PPRC1: variants seen among roughly 807,000 people sequenced by gnomAD.
PPRC1 encodes the protein peroxisome proliferator-activated receptor gamma coactivator-related protein 1.
Under a neutral mutation model 132.5 loss-of-function variants are expected in PPRC1, and 23 were observed. The ratio of observed to expected loss-of-function variants is 0.17; its 90% CI spans 0.12 to 0.25. The LOEUF (loss-of-function observed/expected upper bound fraction) is 0.25, where lower values mean the gene tolerates loss of function less well. PPRC1 is among the 10% of genes least tolerant of loss of function. PPRC1 has a pLI of 1.00. For missense variants in PPRC1, 2,006 were observed against 2,089.1 expected, an observed-to-expected ratio of 0.96 and a Z score of 0.78; for synonymous variants, 872 against 833.5, an observed-to-expected ratio of 1.05 and a Z score of -0.80.
intron 8 of PPRC1, among the ~76,000 whole-genome samples, chr10:102,145,447 T>C (rs532284625): frequency 2.6e-5 from 4 of 151,894 alleles, no homozygotes; most frequent in Non-Finnish European, 4.4e-5. Flanking sequence ...GGTACACGCC[T>C]GTAGTCCCAG....
chr10:102,139,086 CTT>C lies in PPRC1; in HGVS notation c.592-13_592-12del. 6.2e-7 allele frequency: 1 copy of C among 1,607,744 alleles called. No individual in the cohort carries two copies. The highest frequency in any genetic ancestry group is 1.3e-5 in the African/African-American group (1 of 74,766). ...AAAGAAAACTCCTCCTGAGACCTCT[CTT>C]CTCTCCTGCAGGTTGAAATGTCTCT... is the stretch of plus-strand genomic sequence containing the variant. On this transcript the variant is annotated splice_polypyrimidine_tract_variant and intron_variant, in intron 4 of 13. Coordinates refer to ENST00000278070, the MANE Select transcript of PPRC1 (RefSeq NM_015062.5).
chr10:102,138,541 T>A, intron 2 of PPRC1, 78 bp from the exon 3 acceptor site: 1 of 1,521,580 alleles, frequency 6.6e-7, no homozygotes, highest in Non-Finnish European at 8.9e-7. Flanking sequence ...AGACTGATTC[T>A]CTCGATATCC....
At position 102,139,827 on chromosome 10, in the gene PPRC1, A is replaced by G. The variant is rs1053782233; in HGVS notation, c.1319A>G (p.Lys440Arg). The G allele has an allele frequency of 4.3e-6, 7 of 1,614,010 alleles. 1 individual carries two copies. Among genetic ancestry groups the G allele is most frequent in the South Asian group, 3.3e-5 (3 of 91,090 alleles). ...PREVVEPVVP[K>R]EPQNPPANAA... ...GAGGTCGTGGAGCCGGTGGTGCCCA[A>G]GGAGCCTCAGAACCCACCTGCCAAT... The change falls in exon 5 of 14, where the codon AAG becomes AGG. Residue 440 changes from lysine to arginine, a missense_variant. Lys to Arg is a conservative substitution (Grantham distance 26). Transcript: ENST00000278070.
Position 102,133,081 on chromosome 10 carries a change from CG to C in PPRC1, c.17del (p.Gly6AspfsTer41). ...TTCAGGGGCCAAGATGGCGGCGCGCCGGGGACGGAGAGACGGAGTCGCGCCG... is the reference window on the plus strand; with the variant it reads ...TTCAGGGGCCAAGATGGCGGCGCGCCGGGACGGAGAGACGGAGTCGCGCCG... MAAR[R>X]GRRDGVAPPP... On this transcript the variant is annotated frameshift_variant, in exon 1 of 14. Transcript: ENST00000278070. LOFTEE classifies it high-confidence loss of function. 1 of 1,242,608 alleles carries C rather than the reference CG, an allele frequency of 8.0e-7. No homozygotes were observed. 77.0% of individuals were successfully genotyped at this position (1,242,608 alleles called of 1,614,324 possible).
chr10:102,141,601 C>T lies in PPRC1; in HGVS notation c.3093C>T (p.Pro1031=). 1 of 1,614,174 alleles carries T rather than the reference C, an allele frequency of 6.2e-7. No homozygotes were observed. The highest frequency in any genetic ancestry group is 8.5e-7 in the Non-Finnish European group (1 of 1,180,026). ...TPAGPPENVL[P]LSMAPPLSLG... ...CTGGCCCTCCTGAAAATGTACTTCC[C>T]TTGTCGATGGCTCCTCCCCTCAGTC... is the stretch of plus-strand genomic sequence containing the variant. The change falls in exon 5 of 14, where the codon CCC becomes CCT. Residue 1031 remains proline, a synonymous_variant. Transcript: ENST00000278070.
At chr10:102,149,050 TTTCTGCAGTCAGAGGG>T (rs1236716596) in intron 12 of PPRC1, 112 bp downstream of exon 12, 18 of 1,534,306 alleles carry the variant, frequency 1.2e-5, no homozygotes, top group Non-Finnish European at 1.6e-5. Context: ...GGCACCTTCA[TTTCTGCAGTCAGAGGG>T]TTGGCCACTG....
chr10:102,135,669 A>G (rs2068696632), intron 1 of PPRC1, among the ~76,000 whole-genome samples: 1 of 152,188 alleles, frequency 6.6e-6, no homozygotes, highest in African/African-American at 2.4e-5. Flanking sequence ...GTGAGCCACC[A>G]CACCCGGCCT....
chr10:102,144,188 TTCTGTGCCGCC>T (rs1347019205), intron 6 of PPRC1, 51 bp from the exon 7 acceptor site: 1 of 1,545,666 alleles, frequency 6.5e-7, no homozygotes, highest in Non-Finnish European at 8.9e-7. Flanking sequence ...AAGCAAGCCC[TTCTGTGCCGCC>T]TCAGTCTAGA....
At position 102,139,415 on chromosome 10, in the gene PPRC1, T is replaced by C; in HGVS notation, c.907T>C (p.Ser303Pro). Residue 303 changes from serine (S) to proline (P), a missense_variant, in exon 5 of 14, where the codon TCC (serine) becomes CCC (proline). Ser to Pro is a moderately conservative substitution (Grantham distance 74). Transcript: ENST00000278070. ...GCCAGCAGCTGGTGATGAGAGCATCTCCTCCCTGAGTGAGCTGGTGCGGGC... is the reference window on the plus strand; with the variant it reads ...GCCAGCAGCTGGTGATGAGAGCATCCCCTCCCTGAGTGAGCTGGTGCGGGC... ...AVPAAGDESI[S>P]SLSELVRAMH... 1 of 1,614,184 alleles carries C rather than the reference T, an allele frequency of 6.2e-7. No homozygotes were observed. Among genetic ancestry groups the C allele is most frequent in the East Asian group, 2.2e-5 (1 of 44,882 alleles).
the PPRC1 span, among the ~76,000 whole-genome samples, chr10:102,122,414 TAGCCCAGTGTC>T: frequency 1.3e-5 from 2 of 151,562 alleles, no homozygotes; most frequent in Non-Finnish European, 2.9e-5. Flanking sequence ...CCCAGTCACG[TAGCCCAGTGTC>T]AGCCAGGCAG....
In PPRC1 at chr10:102,133,182, G is replaced by A; in HGVS notation, c.114G>A (p.Ala38=). 1 of 1,276,870 alleles carries A rather than the reference G, an allele frequency of 7.8e-7. No individual in the cohort carries two copies. The highest frequency in any genetic ancestry group is 1.0e-6 in the Non-Finnish European group (1 of 1,004,856). The allele number at this position is 1,276,870 out of a possible 1,614,324, so 79.1% of individuals were successfully genotyped here. A position where few individuals can be genotyped will look rare whatever the true frequency, so the allele number is the denominator to read the frequency against. ...RGSGWGSRSQ[A]PYGTLGAVSG... is the part of the protein sequence containing the mutation. ...GTGGTTGGGGAAGTCGAAGCCAAGCGCCGTATGGGACTTTGGGCGCTGTGA... is the reference window on the plus strand; with the variant it reads ...GTGGTTGGGGAAGTCGAAGCCAAGCACCGTATGGGACTTTGGGCGCTGTGA... The change falls in exon 1 of 14, where the codon GCG becomes GCA. Residue 38 remains alanine, a synonymous_variant. Coordinates refer to ENST00000278070, the MANE Select transcript of PPRC1 (RefSeq NM_015062.5).
At chr10:102,130,639 G>C (rs1321473465), upstream of PPRC1, among the ~76,000 whole-genome samples, 2 of 151,942 alleles carry the variant, frequency 1.3e-5, no homozygotes, top group Non-Finnish European at 2.9e-5. Flanking sequence ...GGAGGCTGAG[G>C]CACAAGAATC....
At chr10:102,143,459 C>T (rs1026935598) in intron 6 of PPRC1, among the ~76,000 whole-genome samples, 5 of 151,904 alleles carry the variant, frequency 3.3e-5, no homozygotes, top group African/African-American at 9.7e-5. Flanking sequence ...ATTAGCTGGG[C>T]GAGGTGGCGG....
At chr10:102,149,048 C>T (rs2069396226) in intron 12 of PPRC1, 110 bp downstream of exon 12, 3 of 1,534,884 alleles carry the variant, frequency 2.0e-6, no homozygotes, top group Non-Finnish European at 2.6e-6. Context: ...GGGGCACCTT[C>T]ATTTCTGCAG....
the PPRC1 span, among the ~76,000 whole-genome samples, chr10:102,123,414 T>A: frequency 4.1e-4 from 62 of 152,114 alleles, no homozygotes; most frequent in Middle Eastern, 3.2e-3. Flanking sequence ...GTCTTTAACT[T>A]AATGACAATG....
At position 102,138,632 on chromosome 10, in the gene PPRC1, T is replaced by G; in HGVS notation, c.356T>G (p.Leu119Arg). ...FGSLGESRLS[L>R]EDQNEVSLLT... ...TTTCTGGAGCAGAGCAGGTTATCTC[T>G]GGAGGACCAGAATGAAGTGTCGCTG... The change falls in exon 3 of 14, where the codon CTG becomes CGG. Residue 119 changes from leucine (L) to arginine (R), a missense_variant. By Grantham distance (102) the Leu-to-Arg change is moderately radical. Coordinates refer to ENST00000278070, the MANE Select transcript of PPRC1 (RefSeq NM_015062.5). The G allele has an allele frequency of 6.2e-7, 1 of 1,614,210 alleles. No homozygotes were observed. Among genetic ancestry groups the G allele is most frequent in the Non-Finnish European group, 8.5e-7 (1 of 1,180,032 alleles).
chr10:102,135,489 C>T (rs1195161945), intron 1 of PPRC1, among the ~76,000 whole-genome samples: 2 of 152,202 alleles, frequency 1.3e-5, no homozygotes, highest in African/African-American at 4.8e-5. Flanking sequence ...TGCAATTCCC[C>T]TGCCTCAGAC....
rs1428382701 is a variant in PPRC1 at position 102,140,471 on chromosome 10, C to G, written c.1963C>G (p.Pro655Ala). The change falls in exon 5 of 14, where the codon CCA becomes GCA. Residue 655 changes from proline (P) to alanine (A), a missense_variant. By Grantham distance (27) the Pro-to-Ala change is conservative. Coordinates refer to ENST00000278070, the MANE Select transcript of PPRC1 (RefSeq NM_015062.5). The part of the protein sequence containing the change: ...AVVPISDNLP[P>A]VDAVPSGPAP... ...GGTTCCCATCTCAGATAACTTGCCA[C>G]CAGTTGATGCTGTCCCGTCTGGCCC... 1 of 1,614,176 alleles carries G rather than the reference C, an allele frequency of 6.2e-7. No individual in the cohort carries two copies. The highest frequency in any genetic ancestry group is 1.1e-5 in the South Asian group (1 of 91,082).
chr10:102,127,045 AT>A, the PPRC1 span, among the ~76,000 whole-genome samples: 23 of 57,290 alleles, frequency 4.0e-4, 1 homozygote, highest in East Asian at 1.6e-3. Flanking sequence ...ATATATATAT[AT>A]ATATATATAT....
Sources: allele counts gnomAD v4.1 joint callset (sites outside exome capture counted in the v4.1 genomes callset), GRCh38; gene constraint gnomAD v4.1.1; transcripts MANE v1.5; gene names NCBI Gene and HGNC (gene_info 2026-07-23, HGNC 2026-07-21).